PDE1A: variants seen among roughly 807,000 people sequenced by gnomAD.
The protein encoded by PDE1A is phosphodiesterase 1A, also known as dual specificity calcium/calmodulin-dependent 3',5'-cyclic nucleotide phosphodiesterase 1A.
In PDE1A, 35 loss-of-function variants were observed where a neutral mutation model predicts 61.7. That is an observed-to-expected ratio of 0.57 (90% CI 0.43 to 0.75). PDE1A has a LOEUF of 0.75. Ranked by LOEUF, PDE1A falls within the 30% of genes least tolerant of loss-of-function variation. The pLI is 0.00. For missense variants in PDE1A, 597 were observed against 630.6 expected (o/e 0.95, Z 0.57); for synonymous variants, 232 against 213.2 (o/e 1.09, Z -0.77).
intron 1 of PDE1A, among the ~76,000 whole-genome samples, chr2:182,341,723 C>T (rs1240342208): frequency 6.6e-6 from 1 of 152,162 alleles, no homozygotes; most frequent in Admixed American, 6.6e-5. Flanking sequence ...ACATGTGACA[C>T]TTTCTTTGAA....
intron 13 of PDE1A, among the ~76,000 whole-genome samples, chr2:182,162,735 A>G (rs1691449291): frequency 6.6e-6 from 1 of 152,180 alleles, no homozygotes; most frequent in Non-Finnish European, 1.5e-5. Flanking sequence ...AAGAGACTGA[A>G]AACATCACTG....
At chr2:182,241,283 T>C (rs1690488800) in intron 2 of PDE1A, among the ~76,000 whole-genome samples, 1 of 152,226 alleles carries the variant, frequency 6.6e-6, no homozygotes, top group Non-Finnish European at 1.5e-5. Flanking sequence ...CTGCCTGCCA[T>C]TTGACTTGGT....
chr2:182,459,587 C>G (rs1686143479), intron 2 of PDE1A, among the ~76,000 whole-genome samples: 1 of 152,128 alleles, frequency 6.6e-6, no homozygotes, highest in South Asian at 2.1e-4. Flanking sequence ...AATGCCTTCC[C>G]ATCAGTAACT....
intron 1 of PDE1A, among the ~76,000 whole-genome samples, chr2:182,297,136 C>T (rs1694938864): frequency 6.6e-6 from 1 of 152,154 alleles, no homozygotes; most frequent in Non-Finnish European, 1.5e-5. Context: ...CTTTGGAGAA[C>T]ACTGACTAAT....
intron 8 of PDE1A, among the ~76,000 whole-genome samples, chr2:182,204,929 G>A (rs567096789): frequency 6.6e-6 from 1 of 152,282 alleles, no homozygotes; most frequent in Non-Finnish European, 1.5e-5. Context: ...TGGCCTTGAA[G>A]AACCAGGAAA....
At chr2:182,593,011 G>T in the PDE1A span, among the ~76,000 whole-genome samples, 2 of 152,068 alleles carry the variant, frequency 1.3e-5, no homozygotes, top group South Asian at 4.1e-4. Context: ...GACCCTCTCA[G>T]AAGAAACAGG....
intron 7 of PDE1A, among the ~76,000 whole-genome samples, chr2:182,213,701 G>T (rs1475050703): frequency 1.4e-5 from 1 of 73,180 alleles, no homozygotes; most frequent in Non-Finnish European, 2.8e-5. Context: ...AATGAAGCGA[G>T]AAGGGAAGTT....
At chr2:182,298,439 A>ACC (rs1695030651) in intron 1 of PDE1A, among the ~76,000 whole-genome samples, 1 of 152,162 alleles carries the variant, frequency 6.6e-6, no homozygotes, top group African/African-American at 2.4e-5. Context: ...TAAGTCCTAT[A>ACC]TGGTGAAGTA....
chr2:182,458,891 C>T (rs1369714716), intron 2 of PDE1A, among the ~76,000 whole-genome samples: 2 of 152,066 alleles, frequency 1.3e-5, no homozygotes, highest in Non-Finnish European at 2.9e-5. Flanking sequence ...TGTGCCAATC[C>T]ACTCTTCTAG....
At chr2:182,276,265 A>T (rs1206750489) in intron 1 of PDE1A, among the ~76,000 whole-genome samples, 1 of 152,112 alleles carries the variant, frequency 6.6e-6, no homozygotes, top group Non-Finnish European at 1.5e-5. Flanking sequence ...TCCAAATAGC[A>T]ACTGCTGCAG....
At chr2:182,378,621 T>C (rs1013087631) in intron 1 of PDE1A, among the ~76,000 whole-genome samples, 5 of 152,234 alleles carry the variant, frequency 3.3e-5, no homozygotes, top group African/African-American at 1.2e-4. Context: ...AGGAACTCTG[T>C]AAGTTACACT....
the PDE1A span, among the ~76,000 whole-genome samples, chr2:182,568,181 G>C: frequency 4.0e-5 from 6 of 151,888 alleles, no homozygotes; most frequent in African/African-American, 1.5e-4. Context: ...AATTTAAAAT[G>C]TAACAGTATT....
At chr2:182,660,952 T>A in the PDE1A span, among the ~76,000 whole-genome samples, 4 of 152,322 alleles carry the variant, frequency 2.6e-5, no homozygotes, top group East Asian at 7.7e-4. Context: ...ATTTGTTACA[T>A]AGCAATAGAA....
At chr2:182,595,233 C>G in the PDE1A span, among the ~76,000 whole-genome samples, 1 of 152,058 alleles carries the variant, frequency 6.6e-6, no homozygotes, top group Admixed American at 6.6e-5. Flanking sequence ...AAGAAAAAAA[C>G]ATATTTCTTA....
chr2:182,576,629 G>T, the PDE1A span, among the ~76,000 whole-genome samples: 3 of 152,044 alleles, frequency 2.0e-5, no homozygotes. Flanking sequence ...TTAATTTTTT[G>T]AGGAACCACC....
intron 1 of PDE1A, among the ~76,000 whole-genome samples, chr2:182,308,551 C>A (rs934187789): frequency 2.0e-5 from 3 of 151,800 alleles, no homozygotes; most frequent in Non-Finnish European, 4.4e-5. Context: ...TTTAACCAGG[C>A]AGAATATTTT....
At chr2:182,293,361 A>T (rs1438491075) in intron 1 of PDE1A, among the ~76,000 whole-genome samples, 1 of 152,178 alleles carries the variant, frequency 6.6e-6, no homozygotes, top group Non-Finnish European at 1.5e-5. Flanking sequence ...TTTTAAAAAA[A>T]ATCTTCAGAG....
At chr2:182,251,711 G>C (rs1691416487) in intron 2 of PDE1A, among the ~76,000 whole-genome samples, 1 of 152,174 alleles carries the variant, frequency 6.6e-6, no homozygotes, top group Non-Finnish European at 1.5e-5. Context: ...GTGCTGAATG[G>C]CACTGCTTAT....
chr2:182,422,855 G>A (rs1703367803), intron 1 of PDE1A, among the ~76,000 whole-genome samples: 1 of 152,130 alleles, frequency 6.6e-6, no homozygotes, highest in Admixed American at 6.5e-5. Context: ...AAAGATATAT[G>A]TACAGTAATT....
Sources: gnomAD v4.1 joint callset for allele counts (sites outside exome capture counted in the v4.1 genomes callset) on GRCh38, gnomAD v4.1.1 for gene constraint, MANE v1.5 for transcripts, NCBI Gene and HGNC (gene_info 2026-07-23, HGNC 2026-07-21) for gene names.